CAMKK1: variants seen among roughly 807,000 people sequenced by gnomAD.
The protein encoded by CAMKK1 is calcium/calmodulin-dependent protein kinase kinase 1.
Under a neutral mutation model 63.5 loss-of-function variants are expected in CAMKK1, and 20 were observed. The observed-to-expected ratio is 0.32, with a 90% CI of 0.22 to 0.46. The LOEUF (loss-of-function observed/expected upper bound fraction) is 0.46, where lower values mean the gene tolerates loss of function less well. Ranked by LOEUF, CAMKK1 falls within the 20% of genes least tolerant of loss-of-function variation. The pLI is 1.00. For synonymous variants in CAMKK1, 253 were observed against 269.0 expected (o/e 0.94, Z 0.58); for missense variants, 588 against 658.1 (o/e 0.89, Z 1.17).
In CAMKK1 at chr17:3,882,620, T is replaced by C; in HGVS notation, c.649-56A>G. 2 of 1,488,388 alleles carry C rather than the reference T, an allele frequency of 1.3e-6. No individual in the cohort carries two copies. The highest frequency in any genetic ancestry group is 1.8e-6 in the Non-Finnish European group (2 of 1,087,130). The allele number at this position is 1,488,388 out of a possible 1,614,324, so 92.2% of individuals were successfully genotyped here. The stretch of plus-strand genomic sequence containing the variant: ...GCTTGAGGAGGCGTGGGGTTGGAGG[T>C]CCCAGGCCTCCTGGTCCTTGCCAGC... On this transcript the variant is annotated intron_variant, in intron 6 of 15. Transcript: ENST00000348335. The surrounding 1 kb of genome is among the most constrained non-coding windows in gnomAD (Gnocchi z 4.3).
intron 1 of CAMKK1, among the ~76,000 whole-genome samples, chr17:3,891,109 T>TGG (rs3048767): frequency 0.15 from 20,361 of 132,238 alleles, 2,102 homozygotes; most frequent in African/African-American, 0.31. Flanking sequence ...GGGGCAAGGT[T>TGG]GGGGGGGGGG....
chr17:3,879,979 C>A lies in CAMKK1; in HGVS notation c.796+367G>T. The stretch of plus-strand genomic sequence containing the variant: ...CCACCCTGCCACCATGCCCCGGCCC[C>A]ATGCCAGGACAGACTCTCCCCAGCA... On this transcript the variant is annotated intron_variant, in intron 9 of 15. Transcript: ENST00000348335. The surrounding 1 kb of genome is among the most constrained non-coding windows in gnomAD (Gnocchi z 4.5). 3.9e-6 allele frequency: 1 copy of A among 259,402 alleles called. No homozygotes were observed. Among genetic ancestry groups the A allele is most frequent in the Non-Finnish European group, 7.6e-6 (1 of 131,906 alleles). The allele number at this position is 259,402 out of a possible 1,614,324, so 16.1% of individuals were successfully genotyped here.
At position 3,883,556 on chromosome 17, in the gene CAMKK1, G is replaced by T; in HGVS notation, c.463-76C>A. 2 of 1,152,008 alleles carry T rather than the reference G, an allele frequency of 1.7e-6. No individual in the cohort carries two copies. Among genetic ancestry groups the T allele is most frequent in the Non-Finnish European group, 2.6e-6 (2 of 759,056 alleles). The allele number at this position is 1,152,008 out of a possible 1,614,324, so 71.4% of individuals were successfully genotyped here. A position where few individuals can be genotyped will look rare whatever the true frequency, so the allele number is the denominator to read the frequency against. On this transcript the variant is annotated intron_variant, in intron 4 of 15. Transcript: ENST00000348335. This position sits in a 1 kb window ranked among gnomAD's most constrained non-coding sequence, Gnocchi z 4.7. Reference sequence around the variant, plus strand: ...GAACAGGCTGGTACATGTGGACTGAGGTCCGGAGAGGCACACTGGACATCT... The same window carrying T: ...GAACAGGCTGGTACATGTGGACTGATGTCCGGAGAGGCACACTGGACATCT...
At position 3,862,151 on chromosome 17, in the gene CAMKK1, T is replaced by C; in HGVS notation, c.*60A>G. 1.4e-6 allele frequency: 2 copies of C among 1,412,646 alleles called. No individual in the cohort carries two copies. Among genetic ancestry groups the C allele is most frequent in the South Asian group, 1.2e-5 (1 of 81,368 alleles). 87.5% of individuals were successfully genotyped at this position (1,412,646 alleles called of 1,614,324 possible). A position where few individuals can be genotyped will look rare whatever the true frequency, so the allele number is the denominator to read the frequency against. The stretch of plus-strand genomic sequence containing the variant: ...GCGGGGGCGGCTGTTGCATGAGGGG[T>C]GGGCCTCTGGAGGCGCGGGATGAGT... On this transcript the variant is annotated 3_prime_UTR_variant, in exon 16 of 16. Coordinates refer to ENST00000348335, the MANE Select transcript of CAMKK1 (RefSeq NM_032294.3). This position sits in a 1 kb window ranked among gnomAD's most constrained non-coding sequence, Gnocchi z 4.1.
At chr17:3,885,130 C>G (rs1203433869) in intron 2 of CAMKK1, among the ~76,000 whole-genome samples, 198 bp downstream of exon 2, 1 of 152,004 alleles carries the variant, frequency 6.6e-6, no homozygotes, top group Non-Finnish European at 1.5e-5. Context: ...AATAGCAGGA[C>G]TTAGGGAAGG....
intron 14 of CAMKK1, among the ~76,000 whole-genome samples, chr17:3,868,483 G>A (rs1264216544): frequency 3.3e-5 from 5 of 152,124 alleles, no homozygotes; most frequent in African/African-American, 7.2e-5. Context: ...TAACTGATAC[G>A]TGGGCTTTGG....
chr17:3,873,029 T>A (rs1197039588), intron 11 of CAMKK1, among the ~76,000 whole-genome samples: 1 of 152,214 alleles, frequency 6.6e-6, no homozygotes, highest in Non-Finnish European at 1.5e-5. Context: ...TACGTCAGCG[T>A]TGGGTGTCCC....
intron 15 of CAMKK1, chr17:3,865,511 A>G: frequency 9.7e-7 from 1 of 1,025,762 alleles, no homozygotes; most frequent in East Asian, 8.4e-5. Context: ...GGAAGCCAAC[A>G]TCAGCCTGTC....
rs536253552 is a variant in CAMKK1, at chr17:3,862,060, C to T, written c.*151G>A. 406 of 636,234 alleles carry T rather than the reference C, an allele frequency of 6.4e-4. No individual in the cohort carries two copies. The highest frequency in any genetic ancestry group is 9.7e-4 in the Non-Finnish European group (347 of 359,222). The allele number at this position is 636,234 out of a possible 1,614,324, so 39.4% of individuals were successfully genotyped here. ...TCCAGTCTGTCCCTGGACGTGCGTG[C>T]GTGGAGGTCATGCAGCACGATGGGG... On this transcript the variant is annotated 3_prime_UTR_variant, in exon 16 of 16. Transcript: ENST00000348335. The surrounding 1 kb of genome is among the most constrained non-coding windows in gnomAD (Gnocchi z 4.1).
chr17:3,882,240 C>G lies in CAMKK1; in HGVS notation c.685+288G>C, dbSNP rs765132288. 2 of 1,577,238 alleles carry G rather than the reference C, an allele frequency of 1.3e-6. No individual in the cohort carries two copies. On this transcript the variant is annotated intron_variant, in intron 7 of 15. Coordinates refer to ENST00000348335, the MANE Select transcript of CAMKK1 (RefSeq NM_032294.3). The surrounding 1 kb of genome is among the most constrained non-coding windows in gnomAD (Gnocchi z 4.3). Reference sequence around the variant, plus strand: ...TACAGTGTCTGGGAACCCATGCAGCCTGCTTCCTGCATCTACCTGAGCGCG... The same window carrying G: ...TACAGTGTCTGGGAACCCATGCAGCGTGCTTCCTGCATCTACCTGAGCGCG...
At chr17:3,888,765 C>T (rs903593179) in intron 1 of CAMKK1, among the ~76,000 whole-genome samples, 15 of 152,170 alleles carry the variant, frequency 9.9e-5, no homozygotes, top group African/African-American at 3.4e-4. Flanking sequence ...TGACTAAGCG[C>T]GTCTGCGAGG....
In CAMKK1 at chr17:3,892,257, C is replaced by T. The variant is rs965724846; in HGVS notation, c.-44+682G>A. 6.6e-5 allele frequency among the ~76,000 whole-genome samples: 10 copies of T among 152,114 alleles called. No individual in the cohort carries two copies. Among genetic ancestry groups the T allele is most frequent in the Non-Finnish European group, 1.3e-4 (9 of 67,990 alleles). On this transcript the variant is annotated intron_variant, in intron 1 of 15. Transcript: ENST00000348335. The surrounding 1 kb of genome is among the most constrained non-coding windows in gnomAD (Gnocchi z 7.5). ...TGTCCGCGTGACCCGCCCTCACACA[C>T]CACTCCATCCTGTCCTGCACCCCCC...
Position 3,884,813 on chromosome 17 carries a change from G to T in CAMKK1, c.361-386C>A, listed in dbSNP as rs1380224770. On this transcript the variant is annotated intron_variant, in intron 2 of 15. Coordinates refer to ENST00000348335, the MANE Select transcript of CAMKK1 (RefSeq NM_032294.3). The surrounding 1 kb of genome is among the most constrained non-coding windows in gnomAD (Gnocchi z 4.5). ...CTCCAAGGACAAGATGAGGAGCCCTGGGCACAGAGGCTGAGAGCCTGGGTT... is the reference window on the plus strand; with the variant it reads ...CTCCAAGGACAAGATGAGGAGCCCTTGGCACAGAGGCTGAGAGCCTGGGTT... Among the ~76,000 whole-genome samples the T allele has an allele frequency of 6.6e-6, 1 of 152,332 alleles. No homozygotes were observed. The highest frequency in any genetic ancestry group is 1.9e-4 in the East Asian group (1 of 5,192).
At chr17:3,864,429 G>T (rs1367413251) in intron 15 of CAMKK1, among the ~76,000 whole-genome samples, 5 of 151,626 alleles carry the variant, frequency 3.3e-5, no homozygotes, top group Non-Finnish European at 7.4e-5. Context: ...TGTATTTTTA[G>T]TAGAGACGGG....
In CAMKK1 at chr17:3,883,966, T is replaced by A. The variant is rs756902924; in HGVS notation, c.409-29A>T. On this transcript the variant is annotated intron_variant, in intron 3 of 15. Transcript: ENST00000348335. This position sits in a 1 kb window ranked among gnomAD's most constrained non-coding sequence, Gnocchi z 4.7. ...CAGATAGGCATCAGTCAGCCCCACC[T>A]GGACAGGGCAACCCCTCCCAGGACC... is the stretch of plus-strand genomic sequence containing the variant. The A allele has an allele frequency of 1.2e-6, 2 of 1,611,656 alleles. No individual in the cohort carries two copies. The highest frequency in any genetic ancestry group is 2.2e-5 in the South Asian group (2 of 91,044).
In CAMKK1 at chr17:3,881,233, C is replaced by A. The variant is rs111718629; in HGVS notation, c.707+394G>T. Among the ~76,000 whole-genome samples the A allele has an allele frequency of 3.0e-3, 457 of 152,346 alleles. 1 individual carries two copies. The highest frequency in any genetic ancestry group is 0.011 in the African/African-American group (437 of 41,578). On this transcript the variant is annotated intron_variant, in intron 8 of 15. Transcript: ENST00000348335. ...CTTTCCCTCTCACAAATGGGAGCAA[C>A]TGGAATCCCACCCACTCCATTCACA...
intron 15 of CAMKK1, among the ~76,000 whole-genome samples, chr17:3,864,403 C>T (rs1332232909): frequency 4.6e-5 from 7 of 152,098 alleles, no homozygotes; most frequent in Non-Finnish European, 7.3e-5. Flanking sequence ...CCCGCCACCA[C>T]GCCCAGCTGA....
In CAMKK1 at chr17:3,889,406, A is replaced by G. The variant is rs2055802581; in HGVS notation, c.-44+3533T>C. ...TAGTCCTGCGGCCGTGAACAGCCAG[A>G]CTCAAGCCCTCCCTCATTGGGAAAA... On this transcript the variant is annotated intron_variant, in intron 1 of 15. Coordinates refer to ENST00000348335, the MANE Select transcript of CAMKK1 (RefSeq NM_032294.3). This position sits in a 1 kb window ranked among gnomAD's most constrained non-coding sequence, Gnocchi z 5.2. Among the ~76,000 whole-genome samples the G allele has an allele frequency of 6.6e-6, 1 of 151,974 alleles. No individual in the cohort carries two copies. Among genetic ancestry groups the G allele is most frequent in the African/African-American group, 2.4e-5 (1 of 41,340 alleles).
At chr17:3,868,191 C>A (rs1162878790) in intron 14 of CAMKK1, among the ~76,000 whole-genome samples, 185 of 6,680 alleles carry the variant, frequency 0.028, 51 homozygotes, top group Non-Finnish European at 0.039. Context: ...AAGCAGGCGC[C>A]GTCTAACTGA....
Sources: gnomAD v4.1 joint callset for allele counts (sites outside exome capture counted in the v4.1 genomes callset) on GRCh38, gnomAD v4.1.1 for gene constraint, Gnocchi (gnomAD v3.1) non-coding constraint, MANE v1.5 for transcripts, NCBI Gene and HGNC (gene_info 2026-07-23, HGNC 2026-07-21) for gene names.